WDR62: variants seen among roughly 807,000 people sequenced by gnomAD.
WDR62 encodes the protein WD repeat domain 62.
In WDR62, 112 loss-of-function variants were observed where a neutral mutation model predicts 160.6. That is an observed-to-expected ratio of 0.70 (90% CI 0.60 to 0.82). The LOEUF (loss-of-function observed/expected upper bound fraction) is 0.82. Ranked by LOEUF, WDR62 falls within the 40% of genes least tolerant of loss-of-function variation. The pLI is 0.00. For synonymous variants in WDR62, 792 were observed against 815.1 expected, an observed-to-expected ratio of 0.97 and a Z score of 0.48; for missense variants, 1,819 against 1,983.8, an observed-to-expected ratio of 0.92 and a Z score of 1.58.
chr19:36,079,658 T>G (rs969978487), intron 9 of WDR62, among the ~76,000 whole-genome samples: 1 of 152,214 alleles, frequency 6.6e-6, no homozygotes, highest in African/African-American at 2.4e-5. Flanking sequence ...TGCTGTTCAG[T>G]TTGGCCCAGT....
chr19:36,090,923 G>A (rs1972561592), intron 16 of WDR62, among the ~76,000 whole-genome samples: 1 of 152,246 alleles, frequency 6.6e-6, no homozygotes, highest in African/African-American at 2.4e-5. Context: ...CCTTGGGCAA[G>A]CATCATCTCT....
At chr19:36,091,102 ATGTGCTGT>A (rs1444000589) in intron 16 of WDR62, 90 bp from the exon 17 acceptor site, 12 of 1,019,340 alleles carry the variant, frequency 1.2e-5, no homozygotes, top group Middle Eastern at 3.0e-4. Flanking sequence ...CCAGAGTCCC[ATGTGCTGT>A]GCATGCAGCA....
At chr19:36,065,280 G>A (rs931389791) in intron 3 of WDR62, among the ~76,000 whole-genome samples, 5 of 152,120 alleles carry the variant, frequency 3.3e-5, no homozygotes, top group African/African-American at 1.2e-4. Context: ...CATTTACTTA[G>A]TTATCTACAC....
At chr19:36,064,338 C>T (rs182806102) in intron 3 of WDR62, among the ~76,000 whole-genome samples, 26 of 152,194 alleles carry the variant, frequency 1.7e-4, no homozygotes, top group African/African-American at 5.5e-4. Context: ...TGCAGTGGCG[C>T]GATCTTGGCT....
At chr19:36,063,628 G>T (rs1264527154) in intron 3 of WDR62, among the ~76,000 whole-genome samples, 2 of 152,100 alleles carry the variant, frequency 1.3e-5, no homozygotes, top group East Asian at 3.8e-4. Context: ...GCCTCCTCAC[G>T]GGCAGACTCA....
intron 18 of WDR62, among the ~76,000 whole-genome samples, chr19:36,092,173 T>C (rs1972656004): frequency 6.6e-6 from 1 of 151,926 alleles, no homozygotes; most frequent in Non-Finnish European, 1.5e-5. Flanking sequence ...TAGCTGTGCG[T>C]GGTGGCAGGC....
At chr19:36,093,134 G>A (rs1301608599) in intron 19 of WDR62, among the ~76,000 whole-genome samples, 2 of 152,212 alleles carry the variant, frequency 1.3e-5, no homozygotes, top group Non-Finnish European at 2.9e-5. Context: ...ACTGCACCCG[G>A]CTATGAGAAG....
the WDR62 span, among the ~76,000 whole-genome samples, chr19:36,110,736 C>A: frequency 2.3e-4 from 35 of 152,276 alleles, no homozygotes; most frequent in Middle Eastern, 3.4e-3. Context: ...CTGCACCCTA[C>A]AGAGCAGGGC....
At chr19:36,055,624 A>C (rs941683887) in intron 1 of WDR62, among the ~76,000 whole-genome samples, 1 of 152,130 alleles carries the variant, frequency 6.6e-6, no homozygotes, top group African/African-American at 2.4e-5. Flanking sequence ...TTTCCTCACC[A>C]AGGTGGGATT....
At chr19:36,105,567 C>T (rs1371220926), downstream of WDR62, among the ~76,000 whole-genome samples, 1 of 151,948 alleles carries the variant, frequency 6.6e-6, no homozygotes, top group African/African-American at 2.4e-5. Flanking sequence ...CTTGCCCAAG[C>T]TGGGTATGGT....
At chr19:36,083,014 A>T in intron 10 of WDR62, 49 bp from the exon 11 acceptor site, 2 of 1,561,410 alleles carry the variant, frequency 1.3e-6, no homozygotes, top group African/African-American at 1.4e-5. Flanking sequence ...ACGATTTCAG[A>T]GGTGCTTCTG....
At chr19:36,105,120 G>A, downstream of WDR62, 2 of 1,488,008 alleles carry the variant, frequency 1.3e-6, no homozygotes, top group Non-Finnish European at 1.8e-6. Context: ...GGTTCCTGGT[G>A]TCTGTTTGGG....
In WDR62 at chr19:36,058,838, AC is replaced by A; in HGVS notation, c.240del (p.Gly81AlafsTer14). The A allele has an allele frequency of 1.2e-6, 2 of 1,614,130 alleles. No homozygotes were observed. The highest frequency in any genetic ancestry group is 1.3e-5 in the African/African-American group (1 of 75,050). On this transcript the variant is annotated frameshift_variant, in exon 2 of 32. Coordinates refer to ENST00000401500, the MANE Select transcript of WDR62 (RefSeq NM_001083961.2). LOFTEE classifies it high-confidence loss of function. ...CAGAACAGCAGTGGCCTAACCTGTG[AC>A]CCCGGCACAGGCCATGTGGCCTACC... is the stretch of plus-strand genomic sequence containing the variant. ...TAQNSSGLTCDPGTGHVAYLA... is the reference protein window; with the variant it reads ...TAQNSSGLTCXPGTGHVAYLA...
intron 3 of WDR62, among the ~76,000 whole-genome samples, chr19:36,065,256 G>C (rs1273963479): frequency 6.6e-6 from 1 of 152,048 alleles, no homozygotes; most frequent in Non-Finnish European, 1.5e-5. Flanking sequence ...AGTTGCCAAA[G>C]TCTCACTTAG....
chr19:36,071,451 C>G (rs1971292977), intron 7 of WDR62, 105 bp from the exon 8 acceptor site: 2 of 1,337,632 alleles, frequency 1.5e-6, no homozygotes, highest in African/African-American at 2.9e-5. Flanking sequence ...ACCCAAGGAA[C>G]TGTAAGTCTT....
chr19:36,110,839 G>A, the WDR62 span, among the ~76,000 whole-genome samples: 2 of 152,106 alleles, frequency 1.3e-5, no homozygotes, highest in African/African-American at 4.8e-5. Context: ...TGACTGATTT[G>A]CCTGGCAAAC....
rs142483569 is a variant in WDR62 at position 36,089,417 on chromosome 19, C to T, written c.1958+111C>T. 4 of 1,554,276 alleles carry T rather than the reference C, an allele frequency of 2.6e-6. No individual in the cohort carries two copies. In the Admixed American group the frequency reaches 5.0e-5, roughly 20 times the overall value. On this transcript the variant is annotated intron_variant, in intron 15 of 31. Transcript: ENST00000401500. ...AAGAAGCTGGGAAGGAATTGAGGGA[C>T]CCAGCAGGTGTTCCTTCTTGGTTTT...
At chr19:36,058,634 C>T in intron 1 of WDR62, 146 bp from the exon 2 acceptor site, 2 of 706,016 alleles carry the variant, frequency 2.8e-6, no homozygotes, top group South Asian at 3.0e-5. Flanking sequence ...GTTGAGAGAA[C>T]AAGTGTTAGC....
In WDR62 at chr19:36,097,080, G is replaced by A; in HGVS notation, c.2520+1G>A. The stretch of plus-strand genomic sequence containing the variant: ...GCTGCCACTGTGGGCAAAGCGGCTG[G>A]TAAGTCTTCAGGGAGAGGGTTGCTC... On this transcript the variant is annotated splice_donor_variant, in intron 21 of 31. Transcript: ENST00000401500. LOFTEE classifies it high-confidence loss of function. The A allele has an allele frequency of 6.2e-7, 1 of 1,613,876 alleles. No homozygotes were observed. The highest frequency in any genetic ancestry group is 8.5e-7 in the Non-Finnish European group (1 of 1,179,892).
Sources: allele counts gnomAD v4.1 joint callset (sites outside exome capture counted in the v4.1 genomes callset), GRCh38; gene constraint gnomAD v4.1.1; transcripts MANE v1.5; gene names NCBI Gene and HGNC (gene_info 2026-07-23, HGNC 2026-07-21).